POLQ: variants seen among roughly 807,000 people sequenced by gnomAD.
The protein encoded by POLQ is epididymis secretory sperm binding protein.
A neutral mutation model predicts 259.2 loss-of-function variants in POLQ; 233 were observed. The observed-to-expected ratio is 0.90, with a 90% confidence interval of 0.81 to 1.00. POLQ has a LOEUF of 1.00. Ranked by LOEUF, POLQ falls within the 50% of genes least tolerant of loss-of-function variation. The pLI is 0.00. For synonymous variants in POLQ, 1,025 were observed against 1,048.8 expected (o/e 0.98, Z 0.44); for missense variants, 2,871 against 3,051.6 (o/e 0.94, Z 1.39).
intron 8 of POLQ, among the ~76,000 whole-genome samples, chr3:121,520,930 T>C (rs189319582): frequency 1.3e-5 from 2 of 152,314 alleles, no homozygotes; most frequent in South Asian, 2.1e-4. Context: ...AAACAGTGTA[T>C]AGAATATATA....
rs562707150 is a variant in POLQ at position 121,476,147 on chromosome 3, T to C, written c.6405+393A>G. Among the ~76,000 whole-genome samples the C allele has an allele frequency of 9.4e-4, 143 of 152,224 alleles. 1 individual carries two copies. The highest frequency in any genetic ancestry group is 3.1e-3 in the African/African-American group (127 of 41,538). On this transcript the variant is annotated intron_variant, in intron 20 of 29. Transcript: ENST00000264233. ...GAAAAATATCCAGTTTCCTATTCTA[T>C]AGAAAGATGTTAGGGCAAGCAAGGA...
At chr3:121,455,089 C>T (rs2047721367) in intron 25 of POLQ, among the ~76,000 whole-genome samples, 2 of 151,428 alleles carry the variant, frequency 1.3e-5, no homozygotes, top group South Asian at 4.2e-4. Context: ...CACTCAAAAC[C>T]ACTCAACTAC....
In POLQ at chr3:121,489,890, T is replaced by A. The variant is rs1340032367; in HGVS notation, c.3041A>T (p.Lys1014Ile). ...SQNEGKTSDK[K>I]VVQTFSQKTK... is the part of the protein sequence containing the mutation. ...TTTCTGTGAAAAAGTCTGAACAACTTTCTTATCACTTGTTTTCCCCTCATT... is the reference window on the plus strand; with the variant it reads ...TTTCTGTGAAAAAGTCTGAACAACTATCTTATCACTTGTTTTCCCCTCATT... The change falls in exon 16 of 30, where the codon AAA (lysine) becomes ATA (isoleucine). Residue 1014 changes from lysine (K) to isoleucine (I), a missense_variant. Transcript: ENST00000264233. The A allele has an allele frequency of 1.9e-6, 3 of 1,601,700 alleles. No homozygotes were observed. The highest frequency in any genetic ancestry group is 3.5e-5 in the Admixed American group (2 of 56,344).
At chr3:121,450,546 T>C (rs1303595861) in intron 25 of POLQ, among the ~76,000 whole-genome samples, 1 of 113,732 alleles carries the variant, frequency 8.8e-6, no homozygotes, top group East Asian at 3.0e-4. Flanking sequence ...CGGGCCCCAG[T>C]GTGTGATGTT....
intron 19 of POLQ, among the ~76,000 whole-genome samples, chr3:121,480,574 G>C: frequency 6.6e-6 from 1 of 151,558 alleles, no homozygotes; most frequent in East Asian, 1.9e-4. Flanking sequence ...TCCCACCTTA[G>C]ACTCCTGAGT....
At chr3:121,506,022 CA>C (rs56305313) in intron 12 of POLQ, among the ~76,000 whole-genome samples, 49,076 of 88,570 alleles carry the variant, frequency 0.55, 10,098 homozygotes, top group East Asian at 0.79. Flanking sequence ...AACTCCATCT[CA>C]AAAAAAAAAA....
chr3:121,525,892 C>T (rs1406262269), intron 7 of POLQ, among the ~76,000 whole-genome samples: 3 of 152,094 alleles, frequency 2.0e-5, no homozygotes, highest in Non-Finnish European at 4.4e-5. Flanking sequence ...TTTACCTCCA[C>T]CTTTTTTTTG....
chr3:121,435,188 T>A (rs2047532951), intron 28 of POLQ, among the ~76,000 whole-genome samples: 1 of 152,104 alleles, frequency 6.6e-6, no homozygotes, highest in South Asian at 2.1e-4. Flanking sequence ...TCTGCTGTCA[T>A]GGTTTGACAA....
intron 12 of POLQ, among the ~76,000 whole-genome samples, chr3:121,500,988 G>C (rs1432797423): frequency 6.6e-6 from 1 of 152,010 alleles, no homozygotes; most frequent in Non-Finnish European, 1.5e-5. Flanking sequence ...TTTTGAAACA[G>C]GGTCTGGCTC....
intron 12 of POLQ, among the ~76,000 whole-genome samples, chr3:121,507,742 A>G (rs1431549890): frequency 6.6e-6 from 1 of 152,154 alleles, no homozygotes; most frequent in Non-Finnish European, 1.5e-5. Flanking sequence ...TAAATAAATA[A>G]ATAAAAATTA....
intron 5 of POLQ, among the ~76,000 whole-genome samples, chr3:121,535,251 G>A (rs999964026): frequency 6.6e-6 from 1 of 152,024 alleles, no homozygotes; most frequent in Non-Finnish European, 1.5e-5. Flanking sequence ...ACAGCACTGT[G>A]GAAAAAGAGG....
In POLQ at chr3:121,436,160, T is replaced by C. The variant is rs142067410; in HGVS notation, c.7505A>G (p.His2502Arg). The C allele has an allele frequency of 3.1e-6, 5 of 1,613,914 alleles. No homozygotes were observed. The highest frequency in any genetic ancestry group is 2.2e-5 in the East Asian group (1 of 44,876). ...LETFHSTFKS[H>R]GHREGMLQSD... ...TTGGAGCATACCCTCTCGATGACCA[T>C]GGGATTTGAAGGTTGAGTGGAAGGT... The change falls in exon 28 of 30, where the codon CAT becomes CGT. Residue 2502 changes from histidine (H) to arginine (R), a missense_variant. This residue lies in a region of POLQ where 2,080 missense variants were observed against 2,126.0 expected (regional missense o/e 0.98). Transcript: ENST00000264233.
chr3:121,526,177 G>T (rs2048372403), intron 7 of POLQ, among the ~76,000 whole-genome samples: 1 of 152,040 alleles, frequency 6.6e-6, no homozygotes, highest in African/African-American at 2.4e-5. Flanking sequence ...GTTCTGGATG[G>T]CCCAAGGCAT....
chr3:121,457,698 C>T (rs1296844937), intron 25 of POLQ, among the ~76,000 whole-genome samples: 1 of 152,152 alleles, frequency 6.6e-6, no homozygotes, highest in Non-Finnish European at 1.5e-5. Context: ...CCATCTCATA[C>T]CAGTTAGAAT....
At chr3:121,482,098 C>T (rs1444775782) in intron 18 of POLQ, among the ~76,000 whole-genome samples, 1 of 152,156 alleles carries the variant, frequency 6.6e-6, no homozygotes, top group East Asian at 1.9e-4. Flanking sequence ...ACAAGTGTGT[C>T]TCAGCAAACT....
intron 25 of POLQ, among the ~76,000 whole-genome samples, chr3:121,450,867 A>G (rs1045692731): frequency 2.0e-5 from 3 of 152,124 alleles, no homozygotes; most frequent in African/African-American, 7.2e-5. Context: ...TCTCCTGGAT[A>G]ATATCCTGCA....
intron 24 of POLQ, among the ~76,000 whole-genome samples, chr3:121,464,657 G>A (rs1051257950): frequency 3.3e-5 from 5 of 151,924 alleles, no homozygotes; most frequent in African/African-American, 1.2e-4. Flanking sequence ...TGCCACAAGT[G>A]GAAAGTTCCA....
chr3:121,478,056 C>A (rs2047940954), intron 19 of POLQ, among the ~76,000 whole-genome samples: 1 of 152,110 alleles, frequency 6.6e-6, no homozygotes, highest in African/African-American at 2.4e-5. Flanking sequence ...AGCCTGCATC[C>A]ATAGCCATTA....
chr3:121,520,309 G>GC (rs2048328888), intron 8 of POLQ, among the ~76,000 whole-genome samples: 3 of 152,238 alleles, frequency 2.0e-5, no homozygotes, highest in South Asian at 4.1e-4. Flanking sequence ...GCTGAGGCAG[G>GC]TGGATCGCTT....
Sources: allele counts gnomAD v4.1 joint callset (sites outside exome capture counted in the v4.1 genomes callset), GRCh38; gene constraint gnomAD v4.1.1; regional missense constraint gnomAD v4.1.1; transcripts MANE v1.5; gene names NCBI Gene and HGNC (gene_info 2026-07-23, HGNC 2026-07-21).